PPP1R1C: variants seen among roughly 807,000 people sequenced by gnomAD.
PPP1R1C encodes protein phosphatase 1 regulatory inhibitor subunit 1C, also known as protein phosphatase 1 regulatory subunit 1C.
PPP1R1C carries 15 observed loss-of-function variants against 17.4 expected under a neutral mutation model. The ratio of observed to expected loss-of-function variants is 0.86; its 90% CI spans 0.58 to 1.33. The LOEUF (loss-of-function observed/expected upper bound fraction) is 1.33, where lower values mean the gene tolerates loss of function less well. PPP1R1C is among the 40% of genes most tolerant of loss of function. The probability of loss-of-function intolerance (pLI) is 0.00; values close to 1 mark genes in which losing one functional copy is unlikely to be tolerated. For synonymous variants in PPP1R1C, 35 were observed against 43.1 expected, an observed-to-expected ratio of 0.81 and a Z score of 0.73; for missense variants, 143 against 130.0, an observed-to-expected ratio of 1.10 and a Z score of -0.48.
At position 182,090,190 on chromosome 2, in the gene PPP1R1C, A is replaced by G. The variant is rs562381807; in HGVS notation, c.241+26399A>G. Reference sequence around the variant, plus strand: ...ATACTCTGTGTACAGATGAATGCTAATTCTAATTGGGCAGCCGTTTGGAAC... The same window carrying G: ...ATACTCTGTGTACAGATGAATGCTAGTTCTAATTGGGCAGCCGTTTGGAAC... On this transcript the variant is annotated intron_variant, in intron 4 of 4. Coordinates refer to ENST00000682840, the MANE Select transcript of PPP1R1C (RefSeq NM_001080545.3). 3.4e-3 allele frequency among the ~76,000 whole-genome samples: 523 copies of G among 152,244 alleles called. 2 individuals carry two copies. The highest frequency in any genetic ancestry group is 4.8e-3 in the Non-Finnish European group (328 of 68,006).
At chr2:181,980,267 A>G (rs1408209449) in intron 2 of PPP1R1C, among the ~76,000 whole-genome samples, 1 of 152,232 alleles carries the variant, frequency 6.6e-6, no homozygotes, top group African/African-American at 2.4e-5. Context: ...CATCTCTCCA[A>G]AACAAAAAGC....
intron 2 of PPP1R1C, among the ~76,000 whole-genome samples, chr2:182,022,854 G>T (rs1362495209): frequency 6.6e-6 from 1 of 152,178 alleles, no homozygotes; most frequent in Non-Finnish European, 1.5e-5. Flanking sequence ...ACAGTATGTT[G>T]AAGAAATATC....
chr2:182,007,117 C>A (rs1001518533), intron 2 of PPP1R1C, among the ~76,000 whole-genome samples: 2 of 152,068 alleles, frequency 1.3e-5, no homozygotes, highest in East Asian at 1.9e-4. Context: ...GGGCTAATTG[C>A]GTCATGTCTT....
rs142618201 is a variant in PPP1R1C, at chr2:182,090,289, C to CTGTGTGTGTGTGTGTGTGTGTG, written c.241+26504_241+26525dup. 4.3e-3 allele frequency among the ~76,000 whole-genome samples: 625 copies of CTGTGTGTGTGTGTGTGTGTGTG among 145,670 alleles called. 3 individuals carry two copies. The highest frequency in any genetic ancestry group is 0.012 in the African/African-American group (463 of 38,006). ...AAACAATTCTCTTGAACTATAAATTCTGTGTGTGTGTGTGTGTGTGTGTGT... is the reference window on the plus strand; with the variant it reads ...AAACAATTCTCTTGAACTATAAATTCTGTGTGTGTGTGTGTGTGTGTGTGTGTGTGTGTGTGTGTGTGTGTGT... On this transcript the variant is annotated intron_variant, in intron 4 of 4. Coordinates refer to ENST00000682840, the MANE Select transcript of PPP1R1C (RefSeq NM_001080545.3).
intron 2 of PPP1R1C, among the ~76,000 whole-genome samples, chr2:182,053,799 A>G (rs1687599448): frequency 1.3e-5 from 2 of 151,118 alleles, no homozygotes. Flanking sequence ...TATTCTTTTG[A>G]GACAGAATTT....
At chr2:182,106,988 G>C (rs1198202838) in intron 4 of PPP1R1C, among the ~76,000 whole-genome samples, 1 of 152,106 alleles carries the variant, frequency 6.6e-6, no homozygotes, top group Admixed American at 6.5e-5. Flanking sequence ...TTGGACTAGA[G>C]CCCAATCTTA....
At chr2:182,066,662 T>C (rs1265815022) in intron 4 of PPP1R1C, among the ~76,000 whole-genome samples, 1 of 152,140 alleles carries the variant, frequency 6.6e-6, no homozygotes, top group East Asian at 1.9e-4. Context: ...ATATTGTGCA[T>C]AAAAATGACA....
At chr2:181,963,827 A>T (rs745867124) in intron 1 of PPP1R1C, among the ~76,000 whole-genome samples, 4 of 151,834 alleles carry the variant, frequency 2.6e-5, no homozygotes, top group Non-Finnish European at 5.9e-5. Flanking sequence ...AAAAAATTTC[A>T]TGAGTACACA....
At chr2:181,971,870 C>T (rs1378868022) in intron 1 of PPP1R1C, among the ~76,000 whole-genome samples, 1 of 152,186 alleles carries the variant, frequency 6.6e-6, no homozygotes, top group Non-Finnish European at 1.5e-5. Context: ...AATGCAGTCC[C>T]ACAATCCCTT....
chr2:182,028,462 A>G (rs28894710), intron 2 of PPP1R1C, among the ~76,000 whole-genome samples: 42 of 152,096 alleles, frequency 2.8e-4, no homozygotes, highest in African/African-American at 8.4e-4. Context: ...CCTTCATTTC[A>G]TTATGTATCC....
chr2:182,102,935 C>A (rs997449196), intron 4 of PPP1R1C, among the ~76,000 whole-genome samples: 1 of 152,086 alleles, frequency 6.6e-6, no homozygotes, highest in Non-Finnish European at 1.5e-5. Context: ...GCTTCCCAAG[C>A]AGCTGAGACT....
chr2:182,028,159 C>A (rs1225776408), intron 2 of PPP1R1C, among the ~76,000 whole-genome samples: 2 of 134,810 alleles, frequency 1.5e-5, no homozygotes, highest in African/African-American at 5.5e-5. Flanking sequence ...TTTCAAAAAA[C>A]CAGCTCCTGG....
In PPP1R1C at chr2:181,962,413, G is replaced by T; in HGVS notation, n.111+7779G>T. 1 of 705,928 alleles carries T rather than the reference G, an allele frequency of 1.4e-6. No individual in the cohort carries two copies. The highest frequency in any genetic ancestry group is 1.5e-5 in the South Asian group (1 of 66,344). 43.7% of individuals were successfully genotyped at this position (705,928 alleles called of 1,614,324 possible). A position where few individuals can be genotyped will look rare whatever the true frequency, so the allele number is the denominator to read the frequency against. ...AGCTGGCCGGCCGGGCGCCGTAGTT[G>T]GACACCTGGACAGAGCCCAGGAACA... On this transcript the variant is annotated intron_variant and non_coding_transcript_variant, in intron 1 of 5. Coordinates refer to the PPP1R1C transcript ENST00000464264. This position sits in a 1 kb window ranked among gnomAD's most constrained non-coding sequence, Gnocchi z 6.0.
At chr2:182,049,133 C>T (rs1245882333) in intron 2 of PPP1R1C, among the ~76,000 whole-genome samples, 1 of 151,956 alleles carries the variant, frequency 6.6e-6, no homozygotes, top group Non-Finnish European at 1.5e-5. Flanking sequence ...ATGAGTTCGA[C>T]ACCAATCTGG....
intron 2 of PPP1R1C, among the ~76,000 whole-genome samples, chr2:182,007,368 A>G (rs1361518507): frequency 2.6e-5 from 4 of 152,190 alleles, no homozygotes; most frequent in Non-Finnish European, 5.9e-5. Flanking sequence ...CATACTACTA[A>G]TTCTATAGTT....
At chr2:181,980,097 G>T (rs1685166482) in intron 2 of PPP1R1C, among the ~76,000 whole-genome samples, 1 of 152,036 alleles carries the variant, frequency 6.6e-6, no homozygotes, top group Non-Finnish European at 1.5e-5. Flanking sequence ...TTAGAGGTTG[G>T]GATCTTATTG....
At chr2:182,115,549 G>T (rs1689556890) in intron 4 of PPP1R1C, among the ~76,000 whole-genome samples, 2 of 152,080 alleles carry the variant, frequency 1.3e-5, no homozygotes, top group African/African-American at 4.8e-5. Context: ...AGAGTGACTG[G>T]TTGGACACTT....
chr2:181,979,636 T>C (rs1685158946), intron 2 of PPP1R1C, among the ~76,000 whole-genome samples: 1 of 152,200 alleles, frequency 6.6e-6, no homozygotes, highest in South Asian at 2.1e-4. Flanking sequence ...TCGGGGTATC[T>C]ACTTTTGCAA....
At chr2:181,974,702 GAGA>G (rs1338470996) in intron 1 of PPP1R1C, among the ~76,000 whole-genome samples, 1 of 152,188 alleles carries the variant, frequency 6.6e-6, no homozygotes, top group Non-Finnish European at 1.5e-5. Context: ...GTGTGAAATG[GAGA>G]AGACAGTCAC....
Sources: allele counts gnomAD v4.1 joint callset (sites outside exome capture counted in the v4.1 genomes callset), GRCh38; gene constraint gnomAD v4.1.1; non-coding constraint Gnocchi (gnomAD v3.1); transcripts MANE v1.5; gene names NCBI Gene and HGNC (gene_info 2026-07-23, HGNC 2026-07-21).